PTPN11: variants seen among roughly 807,000 people sequenced by gnomAD.
The protein encoded by PTPN11 is tyrosine-protein phosphatase non-receptor type 11.
PTPN11 carries 6 observed loss-of-function variants against 78.8 expected under a neutral mutation model. The ratio of observed to expected loss-of-function variants is 0.08; its 90% CI spans 0.04 to 0.15. The LOEUF is 0.15. Among genes scored for constraint, PTPN11 ranks in the 10% least tolerant of loss-of-function variants. PTPN11 has a pLI of 1.00. For missense variants in PTPN11, 386 were observed against 744.8 expected (o/e 0.52, Z 5.61); for synonymous variants, 221 against 263.5 (o/e 0.84, Z 1.56).
intron 7 of PTPN11, 73 bp downstream of exon 7, chr12:112,473,113 T>C: frequency 7.9e-7 from 1 of 1,268,824 alleles, no homozygotes; most frequent in East Asian, 2.3e-5. Context: ...GTACCTTTCC[T>C]CAGGGTCGTG....
intron 1 of PTPN11, among the ~76,000 whole-genome samples, chr12:112,429,481 CTTT>C (rs1177861343): frequency 2.7e-5 from 3 of 110,816 alleles, no homozygotes; most frequent in Admixed American, 1.9e-4. Context: ...GTTGAAACTA[CTTT>C]TTTTTTTTTT....
intron 1 of PTPN11, among the ~76,000 whole-genome samples, chr12:112,426,052 T>C (rs933351570): frequency 1.5e-4 from 23 of 152,182 alleles, no homozygotes; most frequent in African/African-American, 5.1e-4. Flanking sequence ...ACTGGCCAGC[T>C]TGACTGTTTC....
At chr12:112,426,151 T>A (rs982030777) in intron 1 of PTPN11, among the ~76,000 whole-genome samples, 1 of 152,264 alleles carries the variant, frequency 6.6e-6, no homozygotes, top group Non-Finnish European at 1.5e-5. Context: ...CATCTTTTTT[T>A]AAAACTCACT....
At chr12:112,452,658 G>C (rs1476395578) in intron 3 of PTPN11, among the ~76,000 whole-genome samples, 1 of 152,162 alleles carries the variant, frequency 6.6e-6, no homozygotes, top group African/African-American at 2.4e-5. Context: ...CTTGTGTATA[G>C]CTGGGATTAC....
intron 13 of PTPN11, among the ~76,000 whole-genome samples, chr12:112,492,072 C>T (rs2038753576): frequency 6.6e-6 from 1 of 152,162 alleles, no homozygotes; most frequent in Non-Finnish European, 1.5e-5. Flanking sequence ...TTTTTCATGA[C>T]CTGGATGTTT....
chr12:112,488,644 G>T, intron 12 of PTPN11, 134 bp downstream of exon 12: 2 of 922,146 alleles, frequency 2.2e-6, no homozygotes, highest in Non-Finnish European at 3.5e-6. Flanking sequence ...GAAGACTTCA[G>T]TGTGTCTGCC....
intron 1 of PTPN11, among the ~76,000 whole-genome samples, chr12:112,445,978 C>T (rs374893044): frequency 1.2e-3 from 175 of 152,168 alleles, no homozygotes; most frequent in African/African-American, 4.0e-3. Flanking sequence ...CTCAGTCTTG[C>T]GAGCACGTGG....
intron 1 of PTPN11, among the ~76,000 whole-genome samples, chr12:112,438,363 C>G (rs572476132): frequency 1.3e-5 from 2 of 152,216 alleles, no homozygotes; most frequent in African/African-American, 4.8e-5. Context: ...CACTCTTGCC[C>G]TGGCTGGAGT....
intron 1 of PTPN11, among the ~76,000 whole-genome samples, 171 bp from the exon 2 acceptor site, chr12:112,446,105 C>G (rs941623847): frequency 6.6e-6 from 1 of 152,060 alleles, no homozygotes; most frequent in Non-Finnish European, 1.5e-5. Flanking sequence ...AAGGGAAAGG[C>G]AGGGAGGAGG....
intron 5 of PTPN11, 71 bp downstream of exon 5, chr12:112,454,751 A>T: frequency 9.0e-7 from 1 of 1,111,232 alleles, no homozygotes; most frequent in Non-Finnish European, 1.4e-6. Context: ...AATTTTGCAA[A>T]CATACAGAGG....
At chr12:112,502,303 A>G (rs141213107) in intron 14 of PTPN11, 47 bp downstream of exon 14, 2 of 1,499,518 alleles carry the variant, frequency 1.3e-6, no homozygotes, top group East Asian at 4.5e-5. Flanking sequence ...ATGGTGGTTT[A>G]AAAAGGTTTA....
chr12:112,444,372 C>T (rs1240099068), intron 1 of PTPN11, among the ~76,000 whole-genome samples: 1 of 151,350 alleles, frequency 6.6e-6, no homozygotes, highest in Admixed American at 6.6e-5. Context: ...GACAAGGTCT[C>T]ACTCTGTCAC....
intron 13 of PTPN11, among the ~76,000 whole-genome samples, chr12:112,493,815 T>G (rs1230855412): frequency 6.6e-6 from 1 of 152,194 alleles, no homozygotes; most frequent in South Asian, 2.1e-4. Context: ...CCCCAACCCC[T>G]GGTAATCACT....
At chr12:112,469,212 G>C (rs192599152) in intron 6 of PTPN11, among the ~76,000 whole-genome samples, 119 of 152,270 alleles carry the variant, frequency 7.8e-4, no homozygotes, top group Non-Finnish European at 1.4e-3. Context: ...ATGATTCTTG[G>C]TGTTACCCCA....
chr12:112,478,555 T>C (rs934192537), intron 9 of PTPN11, among the ~76,000 whole-genome samples: 1 of 152,200 alleles, frequency 6.6e-6, no homozygotes, highest in African/African-American at 2.4e-5. Flanking sequence ...AATAGCTTCT[T>C]TTGCTATGTC....
chr12:112,453,421 A>G lies in PTPN11; in HGVS notation c.525+34A>G, dbSNP rs369287659. 141 of 1,594,668 alleles carry G rather than the reference A, an allele frequency of 8.8e-5. 1 individual carries two copies. The highest frequency in any genetic ancestry group is 6.9e-4 in the East Asian group (31 of 44,790). The stretch of plus-strand genomic sequence containing the variant: ...CCAGTTGAAAAATGGGTCTGGCAAG[A>G]TGTTACCTTTGGGTGATTTTTCTGC... On this transcript the variant is annotated intron_variant, in intron 4 of 15. Transcript: ENST00000351677.
At chr12:112,419,838 A>G (rs1454994986) in intron 1 of PTPN11, among the ~76,000 whole-genome samples, 3 of 152,222 alleles carry the variant, frequency 2.0e-5, no homozygotes, top group Non-Finnish European at 4.4e-5. Context: ...ATGGATGAGG[A>G]AACCGAGGCC....
chr12:112,474,868 C>T (rs548276902), intron 7 of PTPN11, among the ~76,000 whole-genome samples: 6 of 152,042 alleles, frequency 3.9e-5, no homozygotes, highest in Non-Finnish European at 5.9e-5. Flanking sequence ...TGGGCTCAAA[C>T]GATCTGCCTG....
intron 1 of PTPN11, among the ~76,000 whole-genome samples, chr12:112,435,338 A>G (rs1594134685): frequency 6.6e-6 from 1 of 152,184 alleles, no homozygotes; most frequent in East Asian, 1.9e-4. Flanking sequence ...AGATCTGCAT[A>G]AAAGCAGTTA....
Sources: allele counts gnomAD v4.1 joint callset (sites outside exome capture counted in the v4.1 genomes callset), GRCh38; gene constraint gnomAD v4.1.1; transcripts MANE v1.5; gene names NCBI Gene and HGNC (gene_info 2026-07-23, HGNC 2026-07-21).